Variants in AGAP1 observed in about 807,000 individuals in gnomAD.
AGAP1 encodes arf-GAP with GTPase, ANK repeat and PH domain-containing protein 1.
In AGAP1, 29 loss-of-function variants were observed where a neutral mutation model predicts 105.3. The ratio of observed to expected loss-of-function variants is 0.28; its 90% CI spans 0.21 to 0.38. The LOEUF (loss-of-function observed/expected upper bound fraction) is 0.38, where lower values mean the gene tolerates loss of function less well. AGAP1 is among the 10% of genes least tolerant of loss of function. The pLI is 1.00. For missense variants in AGAP1, 998 were observed against 1,165.1 expected (o/e 0.86, Z 2.09); for synonymous variants, 509 against 485.9 (o/e 1.05, Z -0.63).
intron 1 of AGAP1, chr2:235,670,077 C>A: frequency 4.7e-6 from 2 of 426,532 alleles, no homozygotes; most frequent in South Asian, 4.5e-5. Context: ...CTGGATGCGG[C>A]GGGGCCCCAG....
chr2:235,627,549 T>A (rs1371322927), intron 1 of AGAP1, among the ~76,000 whole-genome samples: 2 of 152,146 alleles, frequency 1.3e-5, no homozygotes, highest in Non-Finnish European at 2.9e-5. Flanking sequence ...ATGTTGGGCA[T>A]GCTGATCCCC....
chr2:235,974,017 T>G (rs1559713783), intron 13 of AGAP1, among the ~76,000 whole-genome samples: 1 of 152,208 alleles, frequency 6.6e-6, no homozygotes, highest in Non-Finnish European at 1.5e-5. Context: ...GAGGTTGTCA[T>G]TGCTAAAATG....
At position 235,993,310 on chromosome 2, in the gene AGAP1, G is replaced by A. The variant is rs1296694082; in HGVS notation, c.1645+24687G>A. On this transcript the variant is annotated intron_variant, in intron 13 of 17. Coordinates refer to ENST00000304032, the MANE Select transcript of AGAP1 (RefSeq NM_001037131.3). This position sits in a 1 kb window ranked among gnomAD's most constrained non-coding sequence, Gnocchi z 5.0. ...CCTTGTATTCTGAGCTGCTGTCAGT[G>A]GTTTAAACATTTCACTTGGGTTAGC... 6.6e-6 allele frequency among the ~76,000 whole-genome samples: 1 copy of A among 152,132 alleles called. No homozygotes were observed. The highest frequency in any genetic ancestry group is 1.5e-5 in the Non-Finnish European group (1 of 68,020).
At chr2:236,106,919 G>C (rs999648346) in intron 16 of AGAP1, among the ~76,000 whole-genome samples, 1 of 152,178 alleles carries the variant, frequency 6.6e-6, no homozygotes, top group African/African-American at 2.4e-5. Context: ...GGGGGTGGCT[G>C]CCCTGGCCTA....
chr2:235,941,811 C>G (rs150175920), intron 12 of AGAP1, among the ~76,000 whole-genome samples: 1 of 150,458 alleles, frequency 6.6e-6, no homozygotes, highest in African/African-American at 2.5e-5. Flanking sequence ...GGGATCCATG[C>G]GAAGGGAAGG....
At chr2:236,063,136 C>G (rs2058250660) in intron 16 of AGAP1, among the ~76,000 whole-genome samples, 1 of 152,096 alleles carries the variant, frequency 6.6e-6, no homozygotes, top group Non-Finnish European at 1.5e-5. Context: ...CTCTTTTGCC[C>G]AGGCTACAGT....
At chr2:235,554,795 G>A (rs956397729) in intron 1 of AGAP1, among the ~76,000 whole-genome samples, 4 of 152,038 alleles carry the variant, frequency 2.6e-5, no homozygotes, top group Non-Finnish European at 4.4e-5. Context: ...TCAGCCTCCC[G>A]TGTAGCTGGG....
intron 1 of AGAP1, among the ~76,000 whole-genome samples, chr2:235,537,975 G>A (rs895819263): frequency 3.3e-5 from 5 of 152,200 alleles, no homozygotes; most frequent in Non-Finnish European, 5.9e-5. Context: ...ACCGTACTAA[G>A]AGGCTTCTTG....
rs777819274 is a variant in AGAP1, at chr2:236,113,753, C to G, written c.2115-6439C>G. Among the ~76,000 whole-genome samples the G allele has an allele frequency of 2.0e-5, 3 of 152,050 alleles. No homozygotes were observed. The highest frequency in any genetic ancestry group is 4.4e-5 in the Non-Finnish European group (3 of 68,000). On this transcript the variant is annotated intron_variant, in intron 16 of 17. Coordinates refer to ENST00000304032, the MANE Select transcript of AGAP1 (RefSeq NM_001037131.3). The surrounding 1 kb of genome is among the most constrained non-coding windows in gnomAD (Gnocchi z 4.3). ...AGTGTCTGTCTCCGAGCTGGCAGAC[C>G]CCGAAAAATCCAGAGGGTTCACGGC... is the stretch of plus-strand genomic sequence containing the variant.
intron 9 of AGAP1, among the ~76,000 whole-genome samples, chr2:235,816,489 G>C (rs1575541967): frequency 6.6e-6 from 1 of 150,742 alleles, no homozygotes. Flanking sequence ...AGAGACTCCA[G>C]GTCAGACTTA....
intron 1 of AGAP1, among the ~76,000 whole-genome samples, chr2:235,687,889 C>T (rs540219568): frequency 9.2e-4 from 130 of 141,662 alleles, no homozygotes; most frequent in African/African-American, 2.7e-3. Flanking sequence ...TCTTAATCGC[C>T]GCTCTCTGAC....
chr2:235,736,354 T>C lies in AGAP1; in HGVS notation c.311-4609T>C, dbSNP rs1430201650. Among the ~76,000 whole-genome samples the C allele has an allele frequency of 6.6e-6, 1 of 152,074 alleles. No individual in the cohort carries two copies. Among genetic ancestry groups the C allele is most frequent in the African/African-American group, 2.4e-5 (1 of 41,422 alleles). On this transcript the variant is annotated intron_variant, in intron 3 of 17. Coordinates refer to ENST00000304032, the MANE Select transcript of AGAP1 (RefSeq NM_001037131.3). The surrounding 1 kb of genome is among the most constrained non-coding windows in gnomAD (Gnocchi z 5.5). The stretch of plus-strand genomic sequence containing the variant: ...AAAACCATTTTTGAAAATGAAGTTA[T>C]GCTGATGTCATTTAATCGTACGTCA...
At chr2:235,707,517 C>G (rs1307192981) in intron 1 of AGAP1, among the ~76,000 whole-genome samples, 10 of 143,256 alleles carry the variant, frequency 7.0e-5, no homozygotes, top group South Asian at 2.6e-4. Flanking sequence ...ATGTGCCCCC[C>G]ACTCTGTGAC....
chr2:235,993,563 A>G lies in AGAP1; in HGVS notation c.1645+24940A>G, dbSNP rs924841605. ...GTATGGTTTTGTGTGATAGAAACCAATGCTTCCCAAAGTTCACATTGTGGA... is the reference window on the plus strand; with the variant it reads ...GTATGGTTTTGTGTGATAGAAACCAGTGCTTCCCAAAGTTCACATTGTGGA... On this transcript the variant is annotated intron_variant, in intron 13 of 17. Coordinates refer to ENST00000304032, the MANE Select transcript of AGAP1 (RefSeq NM_001037131.3). This position sits in a 1 kb window ranked among gnomAD's most constrained non-coding sequence, Gnocchi z 5.0. Among the ~76,000 whole-genome samples, 4 of 152,218 alleles carry G rather than the reference A, an allele frequency of 2.6e-5. No homozygotes were observed. Among genetic ancestry groups the G allele is most frequent in the African/African-American group, 9.6e-5 (4 of 41,462 alleles).
intron 16 of AGAP1, among the ~76,000 whole-genome samples, chr2:236,118,387 C>CTTTTT (rs529993131): frequency 1.3e-4 from 15 of 116,286 alleles, no homozygotes; most frequent in East Asian, 2.4e-4. Flanking sequence ...TTTTCTTTTT[C>CTTTTT]TTTTTTTTTT....
intron 1 of AGAP1, among the ~76,000 whole-genome samples, chr2:235,668,909 C>G (rs191137609): frequency 2.0e-5 from 3 of 152,102 alleles, no homozygotes; most frequent in Non-Finnish European, 4.4e-5. Context: ...GCCTGGCTTG[C>G]GGGCAGGCAC....
intron 9 of AGAP1, among the ~76,000 whole-genome samples, chr2:235,834,746 C>A (rs1959917802): frequency 6.6e-6 from 1 of 152,120 alleles, no homozygotes; most frequent in Non-Finnish European, 1.5e-5. Context: ...GCGAGAGTCT[C>A]CGAAGTTAGA....
At chr2:235,913,717 T>A (rs555375649) in intron 11 of AGAP1, among the ~76,000 whole-genome samples, 2 of 152,350 alleles carry the variant, frequency 1.3e-5, no homozygotes, top group South Asian at 4.1e-4. Flanking sequence ...AAAGAGTAAC[T>A]TGAAACCTTC....
rs567257037 is a variant in AGAP1 at position 235,556,068 on chromosome 2, C to T, written c.163+61219C>T. ...AACAGCATCCTGCAGGAGAGCAATG[C>T]CTCCAGCTTGGCTTCTGGAAGCCTC... On this transcript the variant is annotated intron_variant, in intron 1 of 17. Transcript: ENST00000304032. The surrounding 1 kb of genome is among the most constrained non-coding windows in gnomAD (Gnocchi z 5.3). Among the ~76,000 whole-genome samples the T allele has an allele frequency of 1.1e-4, 17 of 152,220 alleles. No homozygotes were observed. The highest frequency in any genetic ancestry group is 2.5e-4 in the Non-Finnish European group (17 of 68,052).
Sources: gnomAD v4.1 joint callset for allele counts (sites outside exome capture counted in the v4.1 genomes callset) on GRCh38, gnomAD v4.1.1 for gene constraint, Gnocchi (gnomAD v3.1) non-coding constraint, MANE v1.5 for transcripts, NCBI Gene and HGNC (gene_info 2026-07-23, HGNC 2026-07-21) for gene names.